The following CD5 variants were observed in gnomAD, a reference collection of about 807,000 sequenced individuals.
The protein encoded by CD5 is T-cell surface glycoprotein CD5.
A neutral mutation model predicts 60.3 loss-of-function variants in CD5; 36 were observed. That is an observed-to-expected ratio of 0.60 (90% CI 0.46 to 0.79). The LOEUF is 0.79. CD5 is among the 30% of genes least tolerant of loss of function. The pLI is 0.00. For missense variants in CD5, 540 were observed against 630.6 expected, an observed-to-expected ratio of 0.86 and a Z score of 1.54; for synonymous variants, 230 against 257.6, an observed-to-expected ratio of 0.89 and a Z score of 1.03.
rs759938142 is a variant in CD5, at chr11:61,118,947, C to A, written c.433C>A (p.Pro145Thr). The stretch of plus-strand genomic sequence containing the variant: ...GAAGACAACACCTCCAACGACAAGG[C>A]CCCCGCCCACCACAACTCCAGAGCC... ...PQKTTPPTTR[P>T]PPTTTPEPTA... The change falls in exon 4 of 11, where the codon CCC (proline) becomes ACC (threonine). Residue 145 changes from proline to threonine, a missense_variant. Pro to Thr is a conservative substitution (Grantham distance 38). Transcript: ENST00000347785. The surrounding 1 kb of genome is among the most constrained non-coding windows in gnomAD (Gnocchi z 4.7). The A allele has an allele frequency of 1.9e-6, 3 of 1,613,588 alleles. No individual in the cohort carries two copies. The highest frequency in any genetic ancestry group is 1.1e-5 in the South Asian group (1 of 91,068).
At chr11:61,106,226 A>G (rs1422132669) in intron 1 of CD5, among the ~76,000 whole-genome samples, 3 of 151,940 alleles carry the variant, frequency 2.0e-5, no homozygotes, top group African/African-American at 7.3e-5. Context: ...TACAGTCTGC[A>G]CTAGGATAGG....
rs975816763 is a variant in CD5 at position 61,126,346 on chromosome 11, C to G, written c.*61C>G. 6.6e-6 allele frequency: 1 copy of G among 152,510 alleles called. No individual in the cohort carries two copies. The highest frequency in any genetic ancestry group is 2.4e-5 in the African/African-American group (1 of 41,482). The allele number at this position is 152,510 out of a possible 1,614,324, so 9.4% of individuals were successfully genotyped here. On this transcript the variant is annotated 3_prime_UTR_variant, in exon 11 of 11. Transcript: ENST00000347785. Reference sequence around the variant, plus strand: ...GACCTGTTTGTCCTGAGAAAACTGTCCGCTCTTCACTTGAAATCATGTCCC... The same window carrying G: ...GACCTGTTTGTCCTGAGAAAACTGTGCGCTCTTCACTTGAAATCATGTCCC...
chr11:61,098,912 G>A (rs1860618847), upstream of CD5, among the ~76,000 whole-genome samples: 1 of 152,142 alleles, frequency 6.6e-6, no homozygotes, highest in South Asian at 2.1e-4. Flanking sequence ...GAGGCCCCAG[G>A]CCCTAGTGGA....
intron 1 of CD5, among the ~76,000 whole-genome samples, chr11:61,109,248 A>G (rs1449224492): frequency 1.3e-5 from 2 of 152,234 alleles, no homozygotes; most frequent in East Asian, 3.8e-4. Context: ...ACCTGAACGA[A>G]TGGGAGGCTA....
At chr11:61,111,766 C>T (rs1446528999) in intron 1 of CD5, among the ~76,000 whole-genome samples, 1 of 152,242 alleles carries the variant, frequency 6.6e-6, no homozygotes, top group Non-Finnish European at 1.5e-5. Context: ...ACTGGGAAAG[C>T]TCCCCGAGGG....
upstream of CD5, among the ~76,000 whole-genome samples, chr11:61,101,909 TCTACACACAC>T (rs1471746748): frequency 6.3e-4 from 82 of 131,130 alleles, no homozygotes; most frequent in Middle Eastern, 7.4e-3. Context: ...TCTCTCTCTC[TCTACACACAC>T]ACACACACAC....
At chr11:61,117,134 T>C (rs952046455) in intron 2 of CD5, among the ~76,000 whole-genome samples, 2 of 152,242 alleles carry the variant, frequency 1.3e-5, no homozygotes, top group African/African-American at 4.8e-5. Flanking sequence ...TGAACTATCA[T>C]TCGGCAATAA....
chr11:61,120,529 C>T (rs671444), intron 5 of CD5, among the ~76,000 whole-genome samples: 58,529 of 151,962 alleles, frequency 0.39, 12,347 homozygotes, highest in Middle Eastern at 0.53. Context: ...CACTCTAGAG[C>T]CTGTTATCTG....
At chr11:61,105,206 A>G (rs969718094) in intron 1 of CD5, among the ~76,000 whole-genome samples, 14 of 152,322 alleles carry the variant, frequency 9.2e-5, no homozygotes, top group African/African-American at 3.1e-4. Context: ...CTCCCCTCTC[A>G]GCCCCAGCCT....
At chr11:61,111,795 G>A (rs1466740817) in intron 1 of CD5, among the ~76,000 whole-genome samples, 1 of 152,228 alleles carries the variant, frequency 6.6e-6, no homozygotes, top group Non-Finnish European at 1.5e-5. Context: ...CCTGGGCACA[G>A]CTTCCCCCAG....
intron 9 of CD5, 28 bp downstream of exon 9, chr11:61,125,179 C>G (rs371695691): frequency 6.2e-7 from 1 of 1,613,322 alleles, no homozygotes; most frequent in South Asian, 1.1e-5. Flanking sequence ...CTCCCAGGCA[C>G]GCAGGCAGGG....
Position 61,116,561 on chromosome 11 carries a change from CCACA to C in CD5, c.94+1475_94+1478del, listed in dbSNP as rs1266516370. On this transcript the variant is annotated intron_variant, in intron 2 of 10. Transcript: ENST00000347785. ...ACACCACACACACACACCACACACA[CCACA>C]CACACACCACACACACCACATGCAC... 3.7e-3 allele frequency among the ~76,000 whole-genome samples: 438 copies of C among 116,908 alleles called. 2 individuals are homozygous for C. The highest frequency in any genetic ancestry group is 6.0e-3 in the Middle Eastern group (1 of 168). The allele number at this position is 116,908 out of a possible 152,430, so 76.7% of individuals were successfully genotyped here.
intron 1 of CD5, among the ~76,000 whole-genome samples, chr11:61,103,654 A>G (rs1447985021): frequency 7.4e-6 from 1 of 134,778 alleles, no homozygotes; most frequent in Non-Finnish European, 1.5e-5. Flanking sequence ...GTTGGGGGGT[A>G]ATGTGTGACT....
intron 9 of CD5, 79 bp from the exon 10 acceptor site, chr11:61,125,672 C>A: frequency 1.1e-6 from 1 of 942,104 alleles, no homozygotes; most frequent in South Asian, 1.6e-5. Context: ...TTCCAACCCA[C>A]TGTGGGCAGC....
rs1481725369 is a variant in CD5, at chr11:61,118,127, G to A, written c.95-48G>A. On this transcript the variant is annotated intron_variant, in intron 2 of 10. Transcript: ENST00000347785. This position sits in a 1 kb window ranked among gnomAD's most constrained non-coding sequence, Gnocchi z 4.7. ...GGAGAGGGCAGTGAGGGGTGCCAGTGGGGAACCCCTCCCAGCCTGACCCCC... is the reference window on the plus strand; with the variant it reads ...GGAGAGGGCAGTGAGGGGTGCCAGTAGGGAACCCCTCCCAGCCTGACCCCC... 1 of 1,568,082 alleles carries A rather than the reference G, an allele frequency of 6.4e-7. No homozygotes were observed. The highest frequency in any genetic ancestry group is 1.2e-5 in the South Asian group (1 of 85,850).
chr11:61,113,083 A>AT (rs905238409), intron 1 of CD5, among the ~76,000 whole-genome samples: 20 of 152,172 alleles, frequency 1.3e-4, no homozygotes, highest in Non-Finnish European at 2.8e-4. Flanking sequence ...AAACACACCT[A>AT]TTTTTTAACA....
intron 1 of CD5, among the ~76,000 whole-genome samples, chr11:61,105,813 G>A (rs911587184): frequency 6.6e-6 from 1 of 152,174 alleles, no homozygotes; most frequent in Non-Finnish European, 1.5e-5. Flanking sequence ...CAGGAGAGCT[G>A]TTAGAGAACA....
chr11:61,123,836 C>A, intron 7 of CD5, 48 bp from the exon 8 acceptor site: 1 of 1,266,102 alleles, frequency 7.9e-7, no homozygotes, highest in Non-Finnish European at 1.1e-6. Context: ...TGCCCCCACC[C>A]ATACCTGCCC....
chr11:61,116,488 CCA>C (rs200407058), intron 2 of CD5, among the ~76,000 whole-genome samples: 2,217 of 123,994 alleles, frequency 0.018, 77 homozygotes, highest in African/African-American at 0.066. Flanking sequence ...CATACACACC[CCA>C]CACACACCAC....
Sources: gnomAD v4.1 joint callset for allele counts (sites outside exome capture counted in the v4.1 genomes callset) on GRCh38, gnomAD v4.1.1 for gene constraint, Gnocchi (gnomAD v3.1) non-coding constraint, MANE v1.5 for transcripts, NCBI Gene and HGNC (gene_info 2026-07-23, HGNC 2026-07-21) for gene names.